The following CDYL2 variants were observed in gnomAD, a reference collection of about 807,000 sequenced individuals.
CDYL2 encodes chromodomain Y like 2.
CDYL2 carries 23 observed loss-of-function variants against 49.4 expected under a neutral mutation model. The observed-to-expected ratio is 0.47, with a 90% CI of 0.34 to 0.66. The LOEUF (loss-of-function observed/expected upper bound fraction) is 0.66, where lower values mean the gene tolerates loss of function less well. CDYL2 is among the 30% of genes least tolerant of loss of function. CDYL2 has a pLI of 0.01. For missense variants in CDYL2, 678 were observed against 656.4 expected (o/e 1.03, Z -0.36); for synonymous variants, 360 against 268.8 (o/e 1.34, Z -3.32).
intron 1 of CDYL2, among the ~76,000 whole-genome samples, chr16:80,697,433 A>G (rs539444680): frequency 6.6e-6 from 1 of 152,322 alleles, no homozygotes; most frequent in East Asian, 1.9e-4. Flanking sequence ...AACATTATAA[A>G]GGCCATATCT....
At chr16:80,684,501 G>A in intron 2 of CDYL2, 37 bp downstream of exon 2, 1 of 1,583,084 alleles carries the variant, frequency 6.3e-7, no homozygotes, top group South Asian at 1.2e-5. Context: ...TTTCGCCATG[G>A]CCAGAGCCAA....
At chr16:80,696,101 GA>G (rs1910603963) in intron 1 of CDYL2, among the ~76,000 whole-genome samples, 1 of 152,090 alleles carries the variant, frequency 6.6e-6, no homozygotes, top group Non-Finnish European at 1.5e-5. Flanking sequence ...GAAAAACCTT[GA>G]AACTGTACAA....
chr16:80,663,741 C>T (rs929283377), intron 2 of CDYL2, among the ~76,000 whole-genome samples: 11 of 152,108 alleles, frequency 7.2e-5, no homozygotes, highest in Admixed American at 7.2e-4. Context: ...TACAGGCACC[C>T]ACCACCACAC....
chr16:80,656,117 G>A (rs942698646), intron 2 of CDYL2, among the ~76,000 whole-genome samples: 2 of 152,174 alleles, frequency 1.3e-5, no homozygotes, highest in Non-Finnish European at 2.9e-5. Context: ...AAAAGGTAGG[G>A]GCTAAAAGTA....
intron 1 of CDYL2, among the ~76,000 whole-genome samples, chr16:80,763,956 G>A (rs1400563798): frequency 6.6e-6 from 1 of 152,262 alleles, no homozygotes; most frequent in Non-Finnish European, 1.5e-5. Flanking sequence ...AGGGGGTAGA[G>A]AGGGAAAGAG....
At chr16:80,784,265 T>C (rs956777643) in intron 1 of CDYL2, among the ~76,000 whole-genome samples, 1 of 152,330 alleles carries the variant, frequency 6.6e-6, no homozygotes, top group African/African-American at 2.4e-5. Context: ...AATTTACTCT[T>C]CTTTGTTTTT....
chr16:80,777,823 TAATC>T (rs1351167573), intron 1 of CDYL2, among the ~76,000 whole-genome samples: 1 of 152,046 alleles, frequency 6.6e-6, no homozygotes, highest in Non-Finnish European at 1.5e-5. Flanking sequence ...GGAAAAAAAT[TAATC>T]AATTAATCTC....
At chr16:80,663,118 C>T (rs908131570) in intron 2 of CDYL2, among the ~76,000 whole-genome samples, 1 of 150,842 alleles carries the variant, frequency 6.6e-6, no homozygotes, top group Non-Finnish European at 1.5e-5. Context: ...CTCCTTCTAG[C>T]CCCCTAAAAG....
At chr16:80,632,883 G>C (rs778100338) in intron 3 of CDYL2, 136 bp downstream of exon 3, 14 of 735,030 alleles carry the variant, frequency 1.9e-5, no homozygotes, top group Non-Finnish European at 3.0e-5. Flanking sequence ...CAAATTGCGC[G>C]CTGCAGTCAA....
chr16:80,609,238 G>A (rs1906485309), intron 5 of CDYL2, among the ~76,000 whole-genome samples: 1 of 152,242 alleles, frequency 6.6e-6, no homozygotes. Flanking sequence ...GACAGACAGT[G>A]ACTGATAATT....
At chr16:80,606,264 G>C (rs1333021520) in intron 6 of CDYL2, among the ~76,000 whole-genome samples, 2 of 152,214 alleles carry the variant, frequency 1.3e-5, no homozygotes, top group Admixed American at 1.3e-4. Flanking sequence ...TACTCTGCTG[G>C]AGTAGTTCCT....
intron 1 of CDYL2, among the ~76,000 whole-genome samples, chr16:80,702,253 G>C (rs773729322): frequency 5.4e-5 from 8 of 148,584 alleles, no homozygotes; most frequent in Non-Finnish European, 1.2e-4. Context: ...CAAGACAGAG[G>C]TAGACAGCCA....
At chr16:80,787,019 G>A (rs530087571) in intron 1 of CDYL2, among the ~76,000 whole-genome samples, 3 of 151,958 alleles carry the variant, frequency 2.0e-5, no homozygotes, top group Admixed American at 6.6e-5. Context: ...GCATACCTAT[G>A]TAACAAAACT....
At chr16:80,744,910 G>A (rs892412570) in intron 1 of CDYL2, among the ~76,000 whole-genome samples, 1 of 152,164 alleles carries the variant, frequency 6.6e-6, no homozygotes, top group Non-Finnish European at 1.5e-5. Flanking sequence ...GTAGGAACCA[G>A]TGCCACTGAG....
intron 1 of CDYL2, among the ~76,000 whole-genome samples, chr16:80,797,599 T>C (rs1420769096): frequency 3.3e-5 from 5 of 152,152 alleles, no homozygotes; most frequent in African/African-American, 9.7e-5. Context: ...CAGAATGTCA[T>C]AGAACATATC....
intron 5 of CDYL2, 84 bp from the exon 6 acceptor site, chr16:80,608,319 C>A: frequency 7.1e-7 from 1 of 1,404,406 alleles, no homozygotes; most frequent in Non-Finnish European, 9.4e-7. Flanking sequence ...CCACCTGCAA[C>A]CATCCCAGTT....
At chr16:80,677,903 C>A (rs2142463279) in intron 2 of CDYL2, among the ~76,000 whole-genome samples, 1 of 151,748 alleles carries the variant, frequency 6.6e-6, no homozygotes, top group African/African-American at 2.4e-5. Flanking sequence ...GTACTGGTAC[C>A]AAAACAGAGA....
chr16:80,750,745 C>T (rs936149567), intron 1 of CDYL2, among the ~76,000 whole-genome samples: 12 of 152,200 alleles, frequency 7.9e-5, no homozygotes, highest in African/African-American at 2.4e-4. Context: ...TCAGGCTGGG[C>T]GCAGTGGCTC....
chr16:80,753,477 G>A (rs530581754), intron 1 of CDYL2, among the ~76,000 whole-genome samples: 19 of 152,110 alleles, frequency 1.2e-4, no homozygotes, highest in South Asian at 4.2e-4. Context: ...GCGTGGTGGC[G>A]CATGCCTGTA....
Sources: allele counts gnomAD v4.1 joint callset (sites outside exome capture counted in the v4.1 genomes callset), GRCh38; gene constraint gnomAD v4.1.1; transcripts MANE v1.5; gene names NCBI Gene and HGNC (gene_info 2026-07-23, HGNC 2026-07-21).